CUBN: variants seen among roughly 807,000 people sequenced by gnomAD.
CUBN encodes cubilin.
Under a neutral mutation model 405.3 loss-of-function variants are expected in CUBN, and 282 were observed. The ratio of observed to expected loss-of-function variants is 0.70; its 90% confidence interval spans 0.63 to 0.77. The LOEUF is 0.77. Ranked by LOEUF, CUBN falls within the 30% of genes least tolerant of loss-of-function variation. CUBN has a pLI of 0.00. For synonymous variants in CUBN, 1,684 were observed against 1,617.0 expected, an observed-to-expected ratio of 1.04 and a Z score of -0.99; for missense variants, 4,514 against 4,475.2, an observed-to-expected ratio of 1.01 and a Z score of -0.25.
At chr10:17,071,321 T>C (rs1172913616) in intron 19 of CUBN, 105 bp downstream of exon 19, 1 of 1,200,156 alleles carries the variant, frequency 8.3e-7, no homozygotes, top group Non-Finnish European at 1.2e-6. Context: ...CATATTGGTC[T>C]ACATAAACTA....
chr10:16,910,099 A>C (rs763337793), intron 48 of CUBN, among the ~76,000 whole-genome samples: 8 of 135,942 alleles, frequency 5.9e-5, no homozygotes, highest in Non-Finnish European at 4.8e-5. Flanking sequence ...TCTCCTTCTC[A>C]TTCTCCTCCT....
intron 56 of CUBN, among the ~76,000 whole-genome samples, chr10:16,881,801 A>T (rs1840671259): frequency 6.6e-6 from 1 of 152,224 alleles, no homozygotes; most frequent in South Asian, 2.1e-4. Flanking sequence ...AAAAATTAAC[A>T]TCAACAAAGT....
At chr10:16,888,861 A>G (rs927030137) in intron 55 of CUBN, among the ~76,000 whole-genome samples, 2 of 152,238 alleles carry the variant, frequency 1.3e-5, no homozygotes. Context: ...GAAAGGATAA[A>G]CGAGCAATGA....
intron 14 of CUBN, among the ~76,000 whole-genome samples, chr10:17,091,191 T>C (rs1836249710): frequency 6.6e-6 from 1 of 152,004 alleles, no homozygotes. Context: ...AACTGGAAAA[T>C]TTTCCAGAGT....
chr10:17,057,919 A>G (rs765580776), intron 22 of CUBN, among the ~76,000 whole-genome samples: 1 of 152,030 alleles, frequency 6.6e-6, no homozygotes, highest in Non-Finnish European at 1.5e-5. Flanking sequence ...TCAGGAGTTC[A>G]AGACCAGCCT....
At chr10:17,120,762 G>GC (rs1214765652) in intron 6 of CUBN, among the ~76,000 whole-genome samples, 2 of 152,194 alleles carry the variant, frequency 1.3e-5, no homozygotes, top group Non-Finnish European at 2.9e-5. Flanking sequence ...GCTGAAAACA[G>GC]CAACAGCCTT....
intron 28 of CUBN, among the ~76,000 whole-genome samples, chr10:17,007,239 A>C (rs973791488): frequency 7.0e-6 from 1 of 143,368 alleles, no homozygotes; most frequent in Non-Finnish European, 1.5e-5. Flanking sequence ...GCCGCTGGAC[A>C]ATGCTGTCAA....
chr10:17,054,858 A>G (rs1835354763), intron 22 of CUBN, among the ~76,000 whole-genome samples: 1 of 152,124 alleles, frequency 6.6e-6, no homozygotes, highest in African/African-American at 2.4e-5. Context: ...AAATAATTTC[A>G]CTGGTGGAAT....
chr10:17,094,816 C>T (rs915925655), intron 14 of CUBN, among the ~76,000 whole-genome samples: 4 of 151,966 alleles, frequency 2.6e-5, no homozygotes, highest in African/African-American at 7.2e-5. Context: ...AAGCAGTCTA[C>T]AGTTCAATGC....
chr10:16,972,443 A>ATT (rs55982899), intron 31 of CUBN, among the ~76,000 whole-genome samples: 3,973 of 146,332 alleles, frequency 0.027, 82 homozygotes, highest in Admixed American at 0.038. Context: ...ATCATTCACA[A>ATT]TTTTTTTTTT....
At chr10:17,011,489 A>G (rs922822460) in intron 28 of CUBN, among the ~76,000 whole-genome samples, 5 of 151,382 alleles carry the variant, frequency 3.3e-5, no homozygotes, top group Admixed American at 3.3e-4. Context: ...AAACCTTCAC[A>G]GTGAGTGTTA....
chr10:16,971,813 T>C (rs1039380636), intron 31 of CUBN, among the ~76,000 whole-genome samples: 1 of 152,150 alleles, frequency 6.6e-6, no homozygotes, highest in Admixed American at 6.5e-5. Flanking sequence ...CCATTTTTTT[T>C]AAAAAACCAA....
At chr10:17,115,198 C>T (rs1002860139) in intron 7 of CUBN, among the ~76,000 whole-genome samples, 10 of 145,404 alleles carry the variant, frequency 6.9e-5, no homozygotes, top group African/African-American at 2.3e-4. Flanking sequence ...GAGCTGAGAT[C>T]GTGCCACTGC....
intron 30 of CUBN, among the ~76,000 whole-genome samples, chr10:16,983,165 C>A (rs1833324454): frequency 6.6e-6 from 1 of 152,108 alleles, no homozygotes; most frequent in Non-Finnish European, 1.5e-5. Flanking sequence ...CTATGACCCA[C>A]CATTTCTTGG....
intron 64 of CUBN, among the ~76,000 whole-genome samples, chr10:16,832,559 C>T (rs1237048110): frequency 6.6e-6 from 1 of 152,168 alleles, no homozygotes; most frequent in Non-Finnish European, 1.5e-5. Flanking sequence ...ATAGCCAGCA[C>T]CACGCTTTTG....
At chr10:16,951,282 G>A (rs1041711526) in intron 33 of CUBN, among the ~76,000 whole-genome samples, 2 of 152,166 alleles carry the variant, frequency 1.3e-5, no homozygotes, top group African/African-American at 4.8e-5. Flanking sequence ...ATCATCGGCT[G>A]CCACATCTTA....
intron 28 of CUBN, among the ~76,000 whole-genome samples, chr10:17,015,062 C>G (rs1165026294): frequency 6.6e-6 from 1 of 152,200 alleles, no homozygotes; most frequent in African/African-American, 2.4e-5. Flanking sequence ...TCTCCAATGA[C>G]CTTTTGATTA....
chr10:16,833,360 G>C (rs146007816), intron 64 of CUBN, among the ~76,000 whole-genome samples: 1 of 152,108 alleles, frequency 6.6e-6, no homozygotes, highest in East Asian at 1.9e-4. Context: ...TACATCTTTC[G>C]GTCTCCTGTC....
intron 64 of CUBN, 144 bp from the exon 65 acceptor site, chr10:16,831,561 A>C: frequency 2.7e-6 from 2 of 748,510 alleles, no homozygotes; most frequent in Non-Finnish European, 4.6e-6. Context: ...TTCTGAAAAT[A>C]CATGCAGAAG....
Sources: gnomAD v4.1 joint callset for allele counts (sites outside exome capture counted in the v4.1 genomes callset) on GRCh38, gnomAD v4.1.1 for gene constraint, MANE v1.5 for transcripts, NCBI Gene and HGNC (gene_info 2026-07-23, HGNC 2026-07-21) for gene names.